Variants in APP observed in about 807,000 individuals in gnomAD.
APP encodes amyloid beta precursor protein, also known as amyloid-beta precursor protein.
Under a neutral mutation model 101.4 loss-of-function variants are expected in APP, and 31 were observed. The ratio of observed to expected loss-of-function variants is 0.31; its 90% CI spans 0.23 to 0.41. APP has a LOEUF of 0.41. Ranked by LOEUF, APP falls within the 10% of genes least tolerant of loss-of-function variation. The pLI, the probability that APP is intolerant of heterozygous loss-of-function variation, is 1.00. For missense variants in APP, 839 were observed against 1,003.7 expected (o/e 0.84, Z 2.22); for synonymous variants, 366 against 364.4 (o/e 1.00, Z -0.05).
rs183016830 is a variant in APP, at chr21:25,902,206, A to G, written c.1963+2818T>C. Among the ~76,000 whole-genome samples, 85 of 152,314 alleles carry G rather than the reference A, an allele frequency of 5.6e-4. 1 individual carries two copies. The East Asian group carries it at 0.016, about 28-fold the overall frequency. On this transcript the variant is annotated intron_variant, in intron 15 of 17. Coordinates refer to ENST00000346798, the MANE Select transcript of APP (RefSeq NM_000484.4). ...AAAACCTTTTTTTAACTTGTTTCTG[A>G]GGACAACAGTGATTATTCAAAAACA...
chr21:26,147,268 T>G (rs980624751), intron 1 of APP, among the ~76,000 whole-genome samples: 7 of 152,194 alleles, frequency 4.6e-5, no homozygotes, highest in Non-Finnish European at 1.0e-4. Context: ...ACTGGTATGT[T>G]TTTATGTTTC....
At chr21:26,032,651 G>A (rs1299926669) in intron 5 of APP, among the ~76,000 whole-genome samples, 1 of 152,114 alleles carries the variant, frequency 6.6e-6, no homozygotes, top group Non-Finnish European at 1.5e-5. Context: ...GTTAAATACT[G>A]TGCCTATTTA....
intron 13 of APP, among the ~76,000 whole-genome samples, chr21:25,932,254 AGG>A (rs1201270933): frequency 1.3e-5 from 2 of 152,242 alleles, no homozygotes; most frequent in Admixed American, 1.3e-4. Flanking sequence ...AAAATAGTGT[AGG>A]AGATGAAAAG....
Position 25,881,361 on chromosome 21 carries a change from T to C in APP, c.*309A>G. On this transcript the variant is annotated 3_prime_UTR_variant, in exon 18 of 18. Coordinates refer to ENST00000346798, the MANE Select transcript of APP (RefSeq NM_000484.4). ...TAATATACAACTGGCTAAGGGGCTA[T>C]GTGATAAATAATCAGGAGAGAATCT... The C allele has an allele frequency of 9.3e-6, 4 of 431,660 alleles. No individual in the cohort carries two copies. Among genetic ancestry groups the C allele is most frequent in the Non-Finnish European group, 1.7e-5 (4 of 231,722 alleles). The allele number at this position is 431,660 out of a possible 1,614,324, so 26.7% of individuals were successfully genotyped here.
chr21:26,152,359 A>C (rs1371724692), intron 1 of APP, among the ~76,000 whole-genome samples: 1 of 151,646 alleles, frequency 6.6e-6, no homozygotes, highest in East Asian at 1.9e-4. Context: ...ACAAACAAAC[A>C]AAACAAAACA....
chr21:25,921,126 C>T (rs1371534001), intron 13 of APP, among the ~76,000 whole-genome samples: 2 of 139,382 alleles, frequency 1.4e-5, no homozygotes, highest in African/African-American at 5.7e-5. Context: ...TCCTGAATGA[C>T]TACTGGGTAC....
At chr21:26,001,588 T>G (rs1013961052) in intron 6 of APP, among the ~76,000 whole-genome samples, 1 of 152,210 alleles carries the variant, frequency 6.6e-6, no homozygotes, top group Non-Finnish European at 1.5e-5. Flanking sequence ...AACCTCTACC[T>G]CCTGAGTTCA....
At chr21:26,073,077 T>G (rs1568939460) in intron 3 of APP, among the ~76,000 whole-genome samples, 1 of 152,070 alleles carries the variant, frequency 6.6e-6, no homozygotes, top group African/African-American at 2.4e-5. Flanking sequence ...ACATAATGAC[T>G]CAGGAATCAT....
chr21:26,074,963 T>A (rs2061475654), intron 3 of APP, among the ~76,000 whole-genome samples: 1 of 152,192 alleles, frequency 6.6e-6, no homozygotes, highest in Admixed American at 6.5e-5. Context: ...TCTTCTGAGA[T>A]CCCTATGTTA....
At chr21:26,030,708 G>A (rs900318142) in intron 5 of APP, among the ~76,000 whole-genome samples, 4 of 152,124 alleles carry the variant, frequency 2.6e-5, no homozygotes, top group Admixed American at 2.0e-4. Context: ...AAAAAGTTTT[G>A]GAGTCATTTT....
At chr21:26,040,092 A>G (rs1039470444) in intron 5 of APP, among the ~76,000 whole-genome samples, 3 of 152,190 alleles carry the variant, frequency 2.0e-5, no homozygotes, top group African/African-American at 7.2e-5. Context: ...AAAATACCTT[A>G]TACACACAGC....
chr21:26,009,014 G>T (rs1432932077), intron 6 of APP, among the ~76,000 whole-genome samples: 1 of 152,178 alleles, frequency 6.6e-6, no homozygotes, highest in African/African-American at 2.4e-5. Flanking sequence ...CCCCCATACA[G>T]ACTCAACAAC....
intron 16 of APP, 37 bp downstream of exon 16, chr21:25,897,536 C>T (rs1020451587): frequency 6.7e-6 from 10 of 1,492,136 alleles, no homozygotes; most frequent in Non-Finnish European, 9.4e-6. Flanking sequence ...TTTGGCAAGA[C>T]AAACAGTAGT....
intron 1 of APP, among the ~76,000 whole-genome samples, chr21:26,152,720 G>A (rs1382882106): frequency 6.6e-6 from 1 of 152,086 alleles, no homozygotes; most frequent in Admixed American, 6.5e-5. Context: ...CCACCTCTAT[G>A]GAAAACATTA....
chr21:26,131,731 T>TTC (rs1329561147), intron 1 of APP, among the ~76,000 whole-genome samples: 1 of 152,188 alleles, frequency 6.6e-6, no homozygotes, highest in Non-Finnish European at 1.5e-5. Context: ...TAACCAACTG[T>TTC]TCTCATCAGT....
chr21:25,905,029 C>T lies in APP; in HGVS notation c.1958G>A (p.Arg653Gln). 6 of 1,613,704 alleles carry T rather than the reference C, an allele frequency of 3.7e-6. No homozygotes were observed. The highest frequency in any genetic ancestry group is 2.2e-5 in the East Asian group (1 of 44,868). Reference protein sequence around the residue: ...RPAADRGLTTRPGSGLTNIKT... With the variant: ...RPAADRGLTTQPGSGLTNIKT... The stretch of plus-strand genomic sequence containing the variant: ...AAGTCAAGCGGTTCTGATACCTGGT[C>T]GAGTGGTCAGTCCTCGGTCGGCAGC... Residue 653 changes from arginine (R) to glutamine (Q), a missense_variant, in exon 15 of 18, where the codon CGA becomes CAA. Arg to Gln is a conservative substitution (Grantham distance 43, BLOSUM62 1). Coordinates refer to ENST00000346798, the MANE Select transcript of APP (RefSeq NM_000484.4).
intron 1 of APP, among the ~76,000 whole-genome samples, chr21:26,168,356 T>A (rs1214699278): frequency 2.0e-5 from 3 of 152,150 alleles, no homozygotes; most frequent in African/African-American, 7.2e-5. Context: ...GAGAACCAGA[T>A]AAACCACCCT....
chr21:26,117,538 T>C (rs2062461827), intron 1 of APP, among the ~76,000 whole-genome samples: 1 of 152,004 alleles, frequency 6.6e-6, no homozygotes, highest in African/African-American at 2.4e-5. Context: ...GGGCACCAGG[T>C]AAGGATATGT....
chr21:26,128,122 C>T (rs969134147), intron 1 of APP, among the ~76,000 whole-genome samples: 1 of 152,188 alleles, frequency 6.6e-6, no homozygotes, highest in African/African-American at 2.4e-5. Flanking sequence ...ATCTGCAAGA[C>T]GTCTGCCTGC....
Sources: allele counts gnomAD v4.1 joint callset (sites outside exome capture counted in the v4.1 genomes callset), GRCh38; gene constraint gnomAD v4.1.1; transcripts MANE v1.5; gene names NCBI Gene and HGNC (gene_info 2026-07-23, HGNC 2026-07-21).